RP1: variants seen among roughly 807,000 people sequenced by gnomAD.
RP1 encodes the protein RP1 axonemal microtubule associated.
In RP1, 16 loss-of-function variants were observed where a neutral mutation model predicts 14.8. The ratio of observed to expected loss-of-function variants is 1.08; its 90% CI spans 0.73 to 1.65. RP1 has a LOEUF of 1.65. Ranked by LOEUF, RP1 falls within the 40% of genes most tolerant of loss-of-function variation. The pLI is 0.00. For synonymous variants in RP1, 876 were observed against 883.6 expected, an observed-to-expected ratio of 0.99 and a Z score of 0.15; for missense variants, 2,631 against 2,535.0, an observed-to-expected ratio of 1.04 and a Z score of -0.81.
At chr8:54,565,595 T>G (rs900188728) in intron 1 of RP1, among the ~76,000 whole-genome samples, 7 of 151,990 alleles carry the variant, frequency 4.6e-5, no homozygotes, top group African/African-American at 1.7e-4. Flanking sequence ...TGCCTCACCC[T>G]GCCATAGAGG....
chr8:54,751,068 C>A (rs941474928), intron 19 of RP1, among the ~76,000 whole-genome samples: 3 of 152,226 alleles, frequency 2.0e-5, no homozygotes, highest in Non-Finnish European at 4.4e-5. Flanking sequence ...AGAGCTGTAA[C>A]ACTCACTGTG....
intron 1 of RP1, chr8:54,561,043 C>T (rs1435532775): frequency 4.0e-5 from 6 of 149,812 alleles, no homozygotes; most frequent in Admixed American, 4.0e-4. Flanking sequence ...GGGGAAAGAC[C>T]ACACAGTGTA....
At chr8:54,708,379 C>T (rs1808202807) in intron 15 of RP1, among the ~76,000 whole-genome samples, 1 of 145,460 alleles carries the variant, frequency 6.9e-6, no homozygotes, top group East Asian at 2.1e-4. Flanking sequence ...TTTTTTGAGA[C>T]ATAGTCTCAC....
At chr8:54,761,525 C>T (rs560349393) in intron 22 of RP1, among the ~76,000 whole-genome samples, 19 of 152,200 alleles carry the variant, frequency 1.2e-4, no homozygotes, top group East Asian at 7.7e-4. Context: ...CATGAGCCAC[C>T]GCACCTGGCC....
Position 54,649,077 on chromosome 8 carries a change from AG to A in RP1, c.881del (p.Ser294IlefsTer25). On this transcript the variant is annotated frameshift_variant, in exon 4 of 23. Transcript: ENST00000636932. LOFTEE classifies it high-confidence loss of function. ...TATTATTCTGTATGGACAACATAGA[AG>A]TTCAGCCCCCATATATCTTTATGGA... The A allele has an allele frequency of 6.5e-7, 1 of 1,532,490 alleles. No individual in the cohort carries two copies. 94.9% of individuals were successfully genotyped at this position (1,532,490 alleles called of 1,614,324 possible). A position where few individuals can be genotyped will look rare whatever the true frequency, so the allele number is the denominator to read the frequency against.
chr8:54,623,573 C>T (rs1296985979), intron 3 of RP1, among the ~76,000 whole-genome samples: 1 of 151,856 alleles, frequency 6.6e-6, no homozygotes, highest in South Asian at 2.1e-4. Context: ...GCTGGGATTA[C>T]AGATGTGAGC....
chr8:54,737,643 C>T (rs1808965645), intron 18 of RP1, among the ~76,000 whole-genome samples: 1 of 152,062 alleles, frequency 6.6e-6, no homozygotes, highest in South Asian at 2.1e-4. Flanking sequence ...TTTCCTTCTT[C>T]CCAGTTGAGA....
At chr8:54,634,501 A>G (rs566413321), downstream of RP1, among the ~76,000 whole-genome samples, 1 of 134,376 alleles carries the variant, frequency 7.4e-6, no homozygotes, top group Non-Finnish European at 1.8e-5. Context: ...GATAACCCCA[A>G]GAGGGCTTGA....
chr8:54,839,560 G>A (rs56003242), intron 25 of RP1, among the ~76,000 whole-genome samples: 8 of 152,218 alleles, frequency 5.3e-5, no homozygotes, highest in African/African-American at 1.9e-4. Context: ...CTTTTCAGTA[G>A]CCCCTGGAAA....
chr8:54,567,666 A>C (rs1804437232), intron 1 of RP1, among the ~76,000 whole-genome samples: 1 of 152,180 alleles, frequency 6.6e-6, no homozygotes, highest in Non-Finnish European at 1.5e-5. Flanking sequence ...TGTGGTAGAA[A>C]ACCTCTTGTA....
rs540863784 is a variant in RP1, at chr8:54,619,295, G to C, written c.-12-1660G>C. 7.2e-5 allele frequency among the ~76,000 whole-genome samples: 11 copies of C among 152,202 alleles called. No homozygotes were observed. In the South Asian group the frequency reaches 1.5e-3, roughly 20 times the overall value. Reference sequence around the variant, plus strand: ...GCAAATCAGATTGGAGATATATGAAGAATCTTGGACAACAGCTTGCAAACA... The same window carrying C: ...GCAAATCAGATTGGAGATATATGAACAATCTTGGACAACAGCTTGCAAACA... On this transcript the variant is annotated intron_variant, in intron 1 of 3. Transcript: ENST00000220676.
chr8:54,691,826 A>G (rs1254166647), intron 12 of RP1, among the ~76,000 whole-genome samples: 1 of 151,570 alleles, frequency 6.6e-6, no homozygotes, highest in Non-Finnish European at 1.5e-5. Context: ...TTATTTTATT[A>G]TTATTATACT....
intron 1 of RP1, among the ~76,000 whole-genome samples, chr8:54,580,112 G>A (rs1287610459): frequency 6.6e-6 from 1 of 150,644 alleles, no homozygotes; most frequent in African/African-American, 2.5e-5. Context: ...CAACCGGCTT[G>A]AAGCCCCCAG....
chr8:54,630,140 A>G lies in RP1; in HGVS notation c.6258A>G (p.Val2086=), dbSNP rs778710235. The change falls in exon 4 of 4, where the codon GTA becomes GTG. Residue 2086 remains valine, a synonymous_variant. Transcript: ENST00000220676. ...GCTCAAGAACAAATCTCAACCAAGT[A>G]GTAAGAGAAAATATCAACTGTCATT... ...FQGSRTNLNQ[V]VRENINCHYF... The G allele has an allele frequency of 1.9e-6, 3 of 1,613,844 alleles. No homozygotes were observed. The highest frequency in any genetic ancestry group is 1.7e-5 in the Admixed American group (1 of 60,016).
At chr8:54,732,376 A>T (rs1288655080) in intron 17 of RP1, among the ~76,000 whole-genome samples, 1 of 152,100 alleles carries the variant, frequency 6.6e-6, no homozygotes, top group East Asian at 1.9e-4. Flanking sequence ...TGAAATCCAG[A>T]TATTTATATG....
chr8:54,601,212 T>C (rs1805275918), intron 1 of RP1, among the ~76,000 whole-genome samples: 1 of 152,148 alleles, frequency 6.6e-6, no homozygotes, highest in Non-Finnish European at 1.5e-5. Flanking sequence ...CTGTTAAAAA[T>C]TAAGCTTTGA....
exon 14 of RP1, chr8:54,701,554 G>A (rs998322757): frequency 3.3e-6 from 5 of 1,535,520 alleles, no homozygotes; most frequent in South Asian, 1.2e-5. Context: ...TTCTTGAGTC[G>A]GCACTGGTTC....
intron 15 of RP1, among the ~76,000 whole-genome samples, chr8:54,712,278 G>A (rs1395515552): frequency 6.6e-6 from 1 of 152,154 alleles, no homozygotes; most frequent in Non-Finnish European, 1.5e-5. Flanking sequence ...GAGAGGGTCT[G>A]GGAGACCGTC....
intron 28 of RP1, chr8:54,869,759 CAT>C (rs2129331102): frequency 2.0e-6 from 1 of 488,372 alleles, no homozygotes. Context: ...AAATTCTTTC[CAT>C]ATGTTTTTTT....
Sources: gnomAD v4.1 joint callset for allele counts (sites outside exome capture counted in the v4.1 genomes callset) on GRCh38, gnomAD v4.1.1 for gene constraint, MANE v1.5 for transcripts, NCBI Gene and HGNC (gene_info 2026-07-23, HGNC 2026-07-21) for gene names.